Variants in FMN2 observed in about 807,000 individuals in gnomAD.
FMN2 encodes the protein formin-2.
In FMN2, 51 loss-of-function variants were observed where a neutral mutation model predicts 142.3. That is an observed-to-expected ratio of 0.36 (90% confidence interval 0.29 to 0.45). The LOEUF (loss-of-function observed/expected upper bound fraction) is 0.45, where lower values mean the gene tolerates loss of function less well. Among genes scored for constraint, FMN2 ranks in the 20% least tolerant of loss-of-function variants. The probability of loss-of-function intolerance (pLI) is 1.00; values close to 1 mark genes in which losing one functional copy is unlikely to be tolerated. For missense variants in FMN2, 1,936 were observed against 2,122.8 expected, an observed-to-expected ratio of 0.91 and a Z score of 1.73; for synonymous variants, 882 against 869.8, an observed-to-expected ratio of 1.01 and a Z score of -0.25.
intron 8 of FMN2, among the ~76,000 whole-genome samples, chr1:240,324,093 C>G (rs1053712576): frequency 9.2e-5 from 14 of 152,100 alleles, no homozygotes; most frequent in African/African-American, 3.4e-4. Flanking sequence ...CTTGTTTTCC[C>G]CCTTACCATA....
chr1:240,335,459 A>G (rs764296801), intron 13 of FMN2, among the ~76,000 whole-genome samples: 3 of 152,186 alleles, frequency 2.0e-5, no homozygotes, highest in Non-Finnish European at 4.4e-5. Flanking sequence ...CACTCATGCT[A>G]TAGTATTATA....
At chr1:240,320,449 G>A (rs1296196948) in intron 8 of FMN2, among the ~76,000 whole-genome samples, 1 of 152,206 alleles carries the variant, frequency 6.6e-6, no homozygotes, top group Non-Finnish European at 1.5e-5. Context: ...ACTTAGCACA[G>A]AAGACAAATG....
intron 6 of FMN2, among the ~76,000 whole-genome samples, chr1:240,254,559 C>T (rs1023418280): frequency 6.6e-6 from 1 of 152,056 alleles, no homozygotes; most frequent in East Asian, 1.9e-4. Flanking sequence ...GTCCCCCCTA[C>T]CCCTGGCAGA....
chr1:240,276,359 T>C (rs749265986), intron 7 of FMN2, among the ~76,000 whole-genome samples: 2 of 152,134 alleles, frequency 1.3e-5, no homozygotes, highest in Non-Finnish European at 2.9e-5. Context: ...CTGGAAGGCA[T>C]GAATAATGGT....
At chr1:240,427,269 T>G (rs1051139730) in intron 15 of FMN2, among the ~76,000 whole-genome samples, 15 of 151,548 alleles carry the variant, frequency 9.9e-5, no homozygotes, top group Admixed American at 3.3e-4. Flanking sequence ...GCAGTAGTGC[T>G]ATCTCGGCTC....
chr1:240,345,093 A>T (rs982772308), intron 13 of FMN2, among the ~76,000 whole-genome samples: 3 of 152,290 alleles, frequency 2.0e-5, no homozygotes, highest in East Asian at 3.9e-4. Flanking sequence ...TTAATTGGCA[A>T]ACTGCTCATT....
Position 240,212,722 on chromosome 1 carries a change from G to T in FMN2, c.4065+1487G>T, listed in dbSNP as rs141258953. Reference sequence around the variant, plus strand: ...GTATATTTGCATATAGTACACTGAGGCTGAATCATCGTATCTCCTCTTTTG... The same window carrying T: ...GTATATTTGCATATAGTACACTGAGTCTGAATCATCGTATCTCCTCTTTTG... On this transcript the variant is annotated intron_variant, in intron 6 of 17. Transcript: ENST00000319653. 2.7e-3 allele frequency among the ~76,000 whole-genome samples: 413 copies of T among 152,266 alleles called. 1 individual carries two copies. The highest frequency in any genetic ancestry group is 4.3e-3 in the Non-Finnish European group (292 of 68,026).
chr1:240,224,384 G>A (rs1307328429), intron 6 of FMN2, among the ~76,000 whole-genome samples: 2 of 152,064 alleles, frequency 1.3e-5, no homozygotes, highest in African/African-American at 2.4e-5. Flanking sequence ...TGCATTTGCT[G>A]AGGAGTGTTT....
At chr1:240,123,140 C>T (rs1662350044) in intron 1 of FMN2, 39 bp from the exon 2 acceptor site, 10 of 1,609,170 alleles carry the variant, frequency 6.2e-6, no homozygotes, top group African/African-American at 1.3e-5. Context: ...GCCAGGTGAT[C>T]GGCAGTGCTC....
chr1:240,196,080 A>G (rs745860708), intron 4 of FMN2, among the ~76,000 whole-genome samples: 1 of 152,226 alleles, frequency 6.6e-6, no homozygotes, highest in South Asian at 2.1e-4. Flanking sequence ...TGAGTGATGG[A>G]GTCTCCACAT....
chr1:240,223,051 T>G (rs1034484265), intron 6 of FMN2, among the ~76,000 whole-genome samples: 1 of 152,242 alleles, frequency 6.6e-6, no homozygotes, highest in African/African-American at 2.4e-5. Flanking sequence ...GAGGGCATCC[T>G]TGTCTTGTGC....
At chr1:240,124,041 T>C (rs1662400475) in intron 2 of FMN2, among the ~76,000 whole-genome samples, 1 of 152,248 alleles carries the variant, frequency 6.6e-6, no homozygotes, top group African/African-American at 2.4e-5. Flanking sequence ...CCATTGTATG[T>C]ATATGTTGCA....
chr1:240,154,896 C>T (rs1315782152), intron 2 of FMN2: 1 of 139,364 alleles, frequency 7.2e-6, no homozygotes, highest in Non-Finnish European at 1.5e-5. Flanking sequence ...CCCTCCCCTC[C>T]TTTTCTTTTC....
intron 13 of FMN2, among the ~76,000 whole-genome samples, chr1:240,347,659 C>T (rs1203449019): frequency 6.6e-6 from 1 of 152,022 alleles, no homozygotes; most frequent in Admixed American, 6.6e-5. Flanking sequence ...AGCATAGTAC[C>T]CAACAGGTAG....
At position 240,327,893 on chromosome 1, in the gene FMN2, T is replaced by A. The variant is rs1320597443; in HGVS notation, c.4216-1183T>A. Among the ~76,000 whole-genome samples, 5 of 151,888 alleles carry A rather than the reference T, an allele frequency of 3.3e-5. No individual in the cohort carries two copies. In the East Asian group the frequency reaches 9.7e-4, roughly 29 times the overall value. On this transcript the variant is annotated intron_variant, in intron 8 of 17. Coordinates refer to ENST00000319653, the MANE Select transcript of FMN2 (RefSeq NM_020066.5). ...CAGGCGCAGTGGCTCATGCCTGTAA[T>A]CCCAGCAGTTTGGGAGGCCGAGATG...
At chr1:240,174,187 T>C (rs551945831) in intron 2 of FMN2, among the ~76,000 whole-genome samples, 119 of 152,230 alleles carry the variant, frequency 7.8e-4, no homozygotes, top group African/African-American at 2.8e-3. Flanking sequence ...TTGGTTCTGC[T>C]ACTCTGGAAA....
intron 2 of FMN2, among the ~76,000 whole-genome samples, chr1:240,150,840 T>G (rs1482281967): frequency 6.6e-6 from 1 of 152,218 alleles, no homozygotes; most frequent in Non-Finnish European, 1.5e-5. Context: ...TGCTCTTAAC[T>G]GCTGTGTCTA....
At chr1:240,238,627 GTTCAT>G (rs1217239265) in intron 6 of FMN2, among the ~76,000 whole-genome samples, 1 of 152,016 alleles carries the variant, frequency 6.6e-6, no homozygotes, top group Admixed American at 6.6e-5. Flanking sequence ...GTTTTTATTT[GTTCAT>G]TTCATTAGTT....
At chr1:240,221,686 C>T (rs1229794404) in intron 6 of FMN2, among the ~76,000 whole-genome samples, 1 of 151,940 alleles carries the variant, frequency 6.6e-6, no homozygotes, top group African/African-American at 2.4e-5. Context: ...CTGTCGGTTG[C>T]CTGTTCACTC....
Sources: gnomAD v4.1 joint callset for allele counts (sites outside exome capture counted in the v4.1 genomes callset) on GRCh38, gnomAD v4.1.1 for gene constraint, MANE v1.5 for transcripts, NCBI Gene and HGNC (gene_info 2026-07-23, HGNC 2026-07-21) for gene names.